Variants in PUS7 observed in about 807,000 individuals in gnomAD.
PUS7 encodes the protein pseudouridine synthase 7, also known as pseudouridylate synthase 7 homolog.
Under a neutral mutation model 79.8 loss-of-function variants are expected in PUS7, and 48 were observed. The observed-to-expected ratio is 0.60, with a 90% CI of 0.48 to 0.76. PUS7 has a LOEUF of 0.76. Among genes scored for constraint, PUS7 ranks in the 30% least tolerant of loss-of-function variants. PUS7 has a pLI of 0.00. For synonymous variants in PUS7, 286 were observed against 272.2 expected, an observed-to-expected ratio of 1.05 and a Z score of -0.50; for missense variants, 729 against 797.6, an observed-to-expected ratio of 0.91 and a Z score of 1.04.
chr7:105,467,438 T>C (rs58857839), intron 12 of PUS7, among the ~76,000 whole-genome samples: 3,740 of 151,624 alleles, frequency 0.025, 95 homozygotes, highest in East Asian at 0.12. Context: ...TACAGGCGCC[T>C]GCCACCACGC....
Position 105,481,279 on chromosome 7 carries a change from C to G in PUS7, c.1050-102G>C, listed in dbSNP as rs1824309572. On this transcript the variant is annotated intron_variant, in intron 8 of 15. Transcript: ENST00000469408. Reference sequence around the variant, plus strand: ...GCCTGGCTTCCAAGTCTTTCGTTCACTCTCCTGCAGCTTTCTCTCTACCTC... The same window carrying G: ...GCCTGGCTTCCAAGTCTTTCGTTCAGTCTCCTGCAGCTTTCTCTCTACCTC... 5 of 964,544 alleles carry G rather than the reference C, an allele frequency of 5.2e-6. No individual in the cohort carries two copies. In the Admixed American group the frequency reaches 9.1e-5, roughly 18 times the overall value. The allele number at this position is 964,544 out of a possible 1,614,324, so 59.7% of individuals were successfully genotyped here. A position where few individuals can be genotyped will look rare whatever the true frequency, so the allele number is the denominator to read the frequency against.
intron 3 of PUS7, 23 bp from the exon 4 acceptor site, chr7:105,506,079 C>G (rs2133242716): frequency 6.3e-7 from 1 of 1,592,732 alleles, no homozygotes; most frequent in Non-Finnish European, 8.6e-7. Flanking sequence ...CATGAGAACT[C>G]ACAATGAATC....
At chr7:105,465,551 T>A in intron 12 of PUS7, 137 bp from the exon 13 acceptor site, 1 of 662,722 alleles carries the variant, frequency 1.5e-6, no homozygotes, top group Non-Finnish European at 2.5e-6. Context: ...GCTTAAATTA[T>A]GCCAGGTGCG....
intron 7 of PUS7, among the ~76,000 whole-genome samples, chr7:105,486,104 T>G (rs1003467731): frequency 4.6e-5 from 7 of 151,504 alleles, no homozygotes; most frequent in Non-Finnish European, 1.5e-5. Context: ...TGGAGTGGAG[T>G]GCACTAGTGT....
At chr7:105,464,148 T>C (rs1388822120) in intron 13 of PUS7, among the ~76,000 whole-genome samples, 1 of 152,230 alleles carries the variant, frequency 6.6e-6, no homozygotes, top group Admixed American at 6.5e-5. Context: ...TATGTTCTAA[T>C]TGGTACTGGC....
chr7:105,459,428 T>TTA (rs1823323154), intron 14 of PUS7, among the ~76,000 whole-genome samples, 169 bp from the exon 15 acceptor site: 1 of 151,948 alleles, frequency 6.6e-6, no homozygotes, highest in East Asian at 1.9e-4. Flanking sequence ...TAAGTTTTGC[T>TTA]TATATATATA....
At chr7:105,520,254 T>TCGAGACCATCCTGG (rs1188459723) in intron 1 of PUS7, among the ~76,000 whole-genome samples, 1 of 151,794 alleles carries the variant, frequency 6.6e-6, no homozygotes, top group East Asian at 1.9e-4. Context: ...GGTCAGGAAA[T>TCGAGACCATCCTGG]CGAGACCATC....
intron 15 of PUS7, among the ~76,000 whole-genome samples, chr7:105,458,624 G>A (rs1823288365): frequency 6.8e-6 from 1 of 147,770 alleles, no homozygotes; most frequent in African/African-American, 2.5e-5. Flanking sequence ...CCAGGCTGGA[G>A]TGCAGTGGCG....
rs759376018 is a variant in PUS7 at position 105,508,354 on chromosome 7, G to T, written c.159C>A (p.Ser53=). 6.2e-7 allele frequency: 1 copy of T among 1,614,082 alleles called. No homozygotes were observed. The highest frequency in any genetic ancestry group is 8.5e-7 in the Non-Finnish European group (1 of 1,180,018). ...GAGGCCGAGGCACGTCTTCACTGAT[G>T]GACAGAAAGTCATTCTGTAGCCCAT... The part of the protein sequence containing the change: ...GQDGLQNDFL[S]ISEDVPRPPD... The change falls in exon 2 of 16, where the codon TCC becomes TCA. Residue 53 remains serine (S), a synonymous_variant. Transcript: ENST00000469408.
At chr7:105,471,730 T>C (rs552412876) in intron 10 of PUS7, among the ~76,000 whole-genome samples, 1 of 152,216 alleles carries the variant, frequency 6.6e-6, no homozygotes, top group East Asian at 1.9e-4. Context: ...CTGGCCAATG[T>C]GGTAAAACCC....
chr7:105,511,810 C>T (rs1052508269), intron 1 of PUS7, among the ~76,000 whole-genome samples: 3 of 151,596 alleles, frequency 2.0e-5, no homozygotes, highest in Non-Finnish European at 4.4e-5. Flanking sequence ...ATGACAGCTA[C>T]AAAAAATAGG....
intron 13 of PUS7, among the ~76,000 whole-genome samples, chr7:105,463,461 T>C (rs1000402954): frequency 1.3e-5 from 2 of 152,146 alleles, no homozygotes; most frequent in Non-Finnish European, 2.9e-5. Flanking sequence ...CCTTTAACAT[T>C]TCTGTATTTC....
intron 1 of PUS7, among the ~76,000 whole-genome samples, chr7:105,516,465 C>T (rs760565038): frequency 6.7e-6 from 1 of 149,952 alleles, no homozygotes; most frequent in Non-Finnish European, 1.5e-5. Context: ...TTTTTTGAGA[C>T]GGAGTTTTGC....
At chr7:105,476,936 T>C (rs1210575956) in intron 9 of PUS7, among the ~76,000 whole-genome samples, 4 of 152,184 alleles carry the variant, frequency 2.6e-5, no homozygotes, top group African/African-American at 9.7e-5. Flanking sequence ...TGGTTTTTCT[T>C]TGGTTGTTGT....
intron 1 of PUS7, among the ~76,000 whole-genome samples, chr7:105,518,150 AAAAT>A (rs1475160018): frequency 2.0e-5 from 3 of 151,892 alleles, no homozygotes; most frequent in African/African-American, 7.3e-5. Flanking sequence ...TCTGTCTCAA[AAAAT>A]AAATAAAAAT....
chr7:105,481,564 ACTAT>A (rs1019098267), intron 8 of PUS7, among the ~76,000 whole-genome samples: 4 of 152,024 alleles, frequency 2.6e-5, no homozygotes, highest in Non-Finnish European at 5.9e-5. Context: ...AATCCTCACC[ACTAT>A]CTACTTCCCA....
intron 13 of PUS7, among the ~76,000 whole-genome samples, chr7:105,463,154 C>A (rs547872840): frequency 1.3e-5 from 2 of 152,244 alleles, no homozygotes; most frequent in Admixed American, 6.5e-5. Context: ...AAATAAGAGA[C>A]CTTGGAAAAC....
chr7:105,459,610 G>A (rs1823330999), intron 14 of PUS7, among the ~76,000 whole-genome samples: 1 of 151,194 alleles, frequency 6.6e-6, no homozygotes. Flanking sequence ...GCTAATTTTT[G>A]TATTTTTAGT....
At chr7:105,474,409 G>T (rs938039421) in intron 9 of PUS7, among the ~76,000 whole-genome samples, 4 of 152,116 alleles carry the variant, frequency 2.6e-5, no homozygotes, top group Non-Finnish European at 5.9e-5. Context: ...GACAAAAAGA[G>T]TATAGTACTA....
Sources: gnomAD v4.1 joint callset for allele counts (sites outside exome capture counted in the v4.1 genomes callset) on GRCh38, gnomAD v4.1.1 for gene constraint, MANE v1.5 for transcripts, NCBI Gene and HGNC (gene_info 2026-07-23, HGNC 2026-07-21) for gene names.